STAM: variants seen among roughly 807,000 people sequenced by gnomAD.
STAM encodes the protein signal transducing adaptor molecule, also known as signal transducing adapter molecule 1.
STAM carries 16 observed loss-of-function variants against 63.4 expected under a neutral mutation model. The ratio of observed to expected loss-of-function variants is 0.25; its 90% confidence interval spans 0.17 to 0.38. The LOEUF (loss-of-function observed/expected upper bound fraction) is 0.38. Ranked by LOEUF, STAM falls within the 10% of genes least tolerant of loss-of-function variation. STAM has a pLI of 1.00. For missense variants in STAM, 636 were observed against 657.1 expected, an observed-to-expected ratio of 0.97 and a Z score of 0.35; for synonymous variants, 238 against 223.9, an observed-to-expected ratio of 1.06 and a Z score of -0.56.
intron 9 of STAM, among the ~76,000 whole-genome samples, chr10:17,703,023 A>AAAAG (rs1554828725): frequency 8.8e-6 from 1 of 114,216 alleles, no homozygotes; most frequent in African/African-American, 3.1e-5. Flanking sequence ...AAAAAAAAAA[A>AAAAG]AAAAGAAAAG....
chr10:17,677,590 A>G (rs568144683), intron 2 of STAM, among the ~76,000 whole-genome samples: 42 of 152,336 alleles, frequency 2.8e-4, no homozygotes, highest in African/African-American at 9.6e-4. Context: ...TCTAAATAAT[A>G]GTGTTAAAGT....
intron 2 of STAM, among the ~76,000 whole-genome samples, chr10:17,671,804 C>G (rs950863250): frequency 6.6e-6 from 1 of 151,996 alleles, no homozygotes; most frequent in African/African-American, 2.4e-5. Flanking sequence ...GGCAAATACC[C>G]TGTTATTTTG....
rs376793961 is a variant in STAM at position 17,695,128 on chromosome 10, A to G, written c.615A>G (p.Leu205=). ...TGTATCCAAGCACATCCAGTCTCTTAACTAACCACCAACATGAAGGCCGAA... is the reference window on the plus strand; with the variant it reads ...TGTATCCAAGCACATCCAGTCTCTTGACTAACCACCAACATGAAGGCCGAA... ...STLYPSTSSL[L]TNHQHEGRKV... The change falls in exon 7 of 14, where the codon TTA becomes TTG. Residue 205 remains leucine, a synonymous_variant. Coordinates refer to ENST00000377524, the MANE Select transcript of STAM (RefSeq NM_003473.4). 45 of 1,614,022 alleles carry G rather than the reference A, an allele frequency of 2.8e-5. No homozygotes were observed. In the Admixed American group the frequency reaches 6.0e-4, roughly 22 times the overall value.
Position 17,707,480 on chromosome 10 carries a change from G to A in STAM, c.1210-1296G>A, listed in dbSNP as rs186348307. 2.9e-3 allele frequency among the ~76,000 whole-genome samples: 447 copies of A among 152,052 alleles called. 4 individuals carry two copies. Among genetic ancestry groups the A allele is most frequent in the Admixed American group, 9.8e-3 (150 of 15,270 alleles). On this transcript the variant is annotated intron_variant, in intron 12 of 13. Transcript: ENST00000377524. ...AGATACTCCATTTTTTCCATGTAAA[G>A]TGGGCACGGACTGTGTTCAGATTAA...
chr10:17,662,869 A>G (rs1269335014), intron 2 of STAM, among the ~76,000 whole-genome samples: 1 of 152,222 alleles, frequency 6.6e-6, no homozygotes, highest in Non-Finnish European at 1.5e-5. Context: ...ATTTTGTGAC[A>G]GTTTCTGTTG....
rs1174643884 is a variant in STAM at position 17,644,290 on chromosome 10, C to T, written c.-50C>T. 3 of 1,609,190 alleles carry T rather than the reference C, an allele frequency of 1.9e-6. No homozygotes were observed. The highest frequency in any genetic ancestry group is 2.6e-6 in the Non-Finnish European group (3 of 1,175,740). On this transcript the variant is annotated 5_prime_UTR_variant, in exon 1 of 14. Coordinates refer to ENST00000377524, the MANE Select transcript of STAM (RefSeq NM_003473.4). Reference sequence around the variant, plus strand: ...TTCCATCCTACGTCGAGCTCTGACTCCCGTGCTGTCGAGAGGGAGTCCCCG... The same window carrying T: ...TTCCATCCTACGTCGAGCTCTGACTTCCGTGCTGTCGAGAGGGAGTCCCCG...
chr10:17,699,751 A>AT (rs1554828111), intron 8 of STAM, among the ~76,000 whole-genome samples: 1 of 152,002 alleles, frequency 6.6e-6, no homozygotes, highest in African/African-American at 2.4e-5. Context: ...AGTAGTGTGG[A>AT]TTTTCTGTCA....
At chr10:17,691,925 T>G (rs1835552457) in intron 5 of STAM, among the ~76,000 whole-genome samples, 1 of 152,220 alleles carries the variant, frequency 6.6e-6, no homozygotes, top group Non-Finnish European at 1.5e-5. Flanking sequence ...TCTGTAGAGG[T>G]CTGTTTACAC....
chr10:17,687,306 G>A (rs534655800), intron 4 of STAM, among the ~76,000 whole-genome samples: 8 of 152,012 alleles, frequency 5.3e-5, no homozygotes, highest in African/African-American at 1.4e-4. Context: ...AAAACCCCGC[G>A]TCTGCTAAAA....
chr10:17,687,738 C>G (rs540239740), intron 4 of STAM, among the ~76,000 whole-genome samples: 104 of 152,306 alleles, frequency 6.8e-4, no homozygotes, highest in African/African-American at 2.4e-3. Context: ...TTTTCCTTGT[C>G]TTACTGATGT....
chr10:17,645,318 C>T (rs953945300), intron 1 of STAM, among the ~76,000 whole-genome samples: 3 of 152,066 alleles, frequency 2.0e-5, no homozygotes, highest in Non-Finnish European at 2.9e-5. Context: ...ATAAGGACAA[C>T]CTTATGAATT....
chr10:17,671,023 T>G (rs1834617984), intron 2 of STAM, among the ~76,000 whole-genome samples: 2 of 152,230 alleles, frequency 1.3e-5, no homozygotes, highest in African/African-American at 4.8e-5. Flanking sequence ...ATGAAAGGCA[T>G]CTAAATAAGG....
At position 17,689,654 on chromosome 10, in the gene STAM, GTTTA is replaced by G. The variant is rs1222104834; in HGVS notation, c.444+1487_444+1490del. Among the ~76,000 whole-genome samples the G allele has an allele frequency of 5.3e-5, 8 of 152,226 alleles. No homozygotes were observed. In the East Asian group the frequency reaches 1.5e-3, roughly 29 times the overall value. On this transcript the variant is annotated intron_variant, in intron 5 of 13. Transcript: ENST00000377524. Reference sequence around the variant, plus strand: ...TACATTCCTTGACAACAGAAACAATGTTTATTTATCAAAGAGTAGACTCACTGCA... The same window carrying G: ...TACATTCCTTGACAACAGAAACAATGTTTATCAAAGAGTAGACTCACTGCA...
At chr10:17,669,049 T>A (rs1366079134) in intron 2 of STAM, among the ~76,000 whole-genome samples, 1 of 152,350 alleles carries the variant, frequency 6.6e-6, no homozygotes, top group African/African-American at 2.4e-5. Context: ...CCCCACAGTC[T>A]CAGTATGGTT....
At chr10:17,664,461 C>T (rs7093153) in intron 2 of STAM, among the ~76,000 whole-genome samples, 21,232 of 151,892 alleles carry the variant, frequency 0.14, 1,583 homozygotes, top group Middle Eastern at 0.27. Context: ...TTGTAGTTTG[C>T]CTTTAATATT....
chr10:17,704,169 T>G (rs1405874320), intron 9 of STAM, among the ~76,000 whole-genome samples: 1 of 152,208 alleles, frequency 6.6e-6, no homozygotes, highest in African/African-American at 2.4e-5. Context: ...CATAGCTCAC[T>G]GCAGCCTTGA....
intron 2 of STAM, among the ~76,000 whole-genome samples, chr10:17,668,469 A>G (rs1454204499): frequency 6.6e-6 from 1 of 152,218 alleles, no homozygotes; most frequent in Non-Finnish European, 1.5e-5. Context: ...GTTTGCATTA[A>G]GGTACACTTT....
chr10:17,712,919 G>C (rs1281194233), intron 13 of STAM, among the ~76,000 whole-genome samples: 2 of 152,142 alleles, frequency 1.3e-5, no homozygotes, highest in African/African-American at 4.8e-5. Flanking sequence ...GCAGAGAGTT[G>C]ATCAGTGTGG....
At chr10:17,695,393 A>G in intron 7 of STAM, 152 bp downstream of exon 7, 1 of 637,058 alleles carries the variant, frequency 1.6e-6, no homozygotes, top group Non-Finnish European at 2.4e-6. Flanking sequence ...CTTGTGTTAT[A>G]CTGGGTGGAT....
Sources: gnomAD v4.1 joint callset for allele counts (sites outside exome capture counted in the v4.1 genomes callset) on GRCh38, gnomAD v4.1.1 for gene constraint, MANE v1.5 for transcripts, NCBI Gene and HGNC (gene_info 2026-07-23, HGNC 2026-07-21) for gene names.